Variants in ZFYVE28 observed in about 807,000 individuals in gnomAD.
ZFYVE28 encodes lateral signaling target protein 2 homolog.
Under a neutral mutation model 82.1 loss-of-function variants are expected in ZFYVE28, and 40 were observed. The observed-to-expected ratio is 0.49, with a 90% confidence interval of 0.38 to 0.63. The LOEUF (loss-of-function observed/expected upper bound fraction) is 0.63. Among genes scored for constraint, ZFYVE28 ranks in the 30% least tolerant of loss-of-function variants. ZFYVE28 has a pLI of 0.00. For missense variants in ZFYVE28, 1,321 were observed against 1,242.1 expected, an observed-to-expected ratio of 1.06 and a Z score of -0.96; for synonymous variants, 612 against 546.1, an observed-to-expected ratio of 1.12 and a Z score of -1.68.
chr4:2,336,609 A>G (rs1721737701), intron 5 of ZFYVE28, among the ~76,000 whole-genome samples: 1 of 149,880 alleles, frequency 6.7e-6, no homozygotes, highest in South Asian at 2.1e-4. Context: ...CAGACTTAAA[A>G]CTCAGCAAAA....
chr4:2,368,230 A>AAAAAAAAAAAAC (rs1727123104), intron 1 of ZFYVE28, among the ~76,000 whole-genome samples: 24 of 148,622 alleles, frequency 1.6e-4, no homozygotes, highest in African/African-American at 4.5e-4. Flanking sequence ...AAAAAAAAAA[A>AAAAAAAAAAAAC]CACTGTATCT....
At position 2,409,042 on chromosome 4, in the gene ZFYVE28, G is replaced by A. The variant is rs1470450282; in HGVS notation, c.39+9243C>T. On this transcript the variant is annotated intron_variant, in intron 1 of 12. Coordinates refer to ENST00000290974, the MANE Select transcript of ZFYVE28 (RefSeq NM_020972.3). This position sits in a 1 kb window ranked among gnomAD's most constrained non-coding sequence, Gnocchi z 4.4. Reference sequence around the variant, plus strand: ...CAACATGCCTGGGCATCTCGCAGTGGGGAGGTCTGCCTTTACGCGGTCTGT... The same window carrying A: ...CAACATGCCTGGGCATCTCGCAGTGAGGAGGTCTGCCTTTACGCGGTCTGT... Among the ~76,000 whole-genome samples the A allele has an allele frequency of 1.3e-5, 2 of 152,086 alleles. No homozygotes were observed. The highest frequency in any genetic ancestry group is 2.9e-5 in the Non-Finnish European group (2 of 68,008).
chr4:2,410,190 C>T (rs1385974279), intron 1 of ZFYVE28, among the ~76,000 whole-genome samples: 12 of 152,220 alleles, frequency 7.9e-5, no homozygotes, highest in Non-Finnish European at 1.3e-4. Flanking sequence ...TGCTGCCCAA[C>T]CACCACCTCT....
intron 2 of ZFYVE28, among the ~76,000 whole-genome samples, chr4:2,344,145 G>A (rs1467015194): frequency 6.6e-6 from 1 of 152,310 alleles, no homozygotes; most frequent in East Asian, 1.9e-4. Flanking sequence ...GAGGGAACTC[G>A]GATGGAACCA....
chr4:2,271,761 C>A lies in ZFYVE28; in HGVS notation c.2342G>T (p.Ser781Ile), dbSNP rs757814701. The A allele has an allele frequency of 9.3e-6, 15 of 1,613,614 alleles. No homozygotes were observed. The highest frequency in any genetic ancestry group is 5.9e-6 in the Non-Finnish European group (7 of 1,179,932). ...CAGTGCACAGTCCTCCAAGGCCGCA[C>A]TCCGCAGAGTCTGGGTGACTAGTGG... The part of the protein sequence containing the change: ...KLRKVTQTLR[S>I]AALEDCALCQ... Residue 781 changes from serine (S) to isoleucine (I), a missense_variant, in exon 11 of 13, where the codon AGT becomes ATT. Ser to Ile is a moderately radical substitution (Grantham distance 142). This residue lies in a region of ZFYVE28 where 978 missense variants were observed against 833.7 expected (regional missense o/e 1.17). Transcript: ENST00000290974.
intron 6 of ZFYVE28, chr4:2,331,009 G>A: frequency 6.5e-7 from 1 of 1,533,630 alleles, no homozygotes; most frequent in Non-Finnish European, 8.7e-7. Flanking sequence ...CGTGGGCGGT[G>A]GCTCCTGCAC....
chr4:2,349,798 G>A (rs1234636259), intron 2 of ZFYVE28, among the ~76,000 whole-genome samples: 1 of 151,816 alleles, frequency 6.6e-6, no homozygotes, highest in Non-Finnish European at 1.5e-5. Flanking sequence ...CACAAAAAAA[G>A]CATCTGAAAA....
intron 1 of ZFYVE28, among the ~76,000 whole-genome samples, chr4:2,386,378 G>A (rs7698107): frequency 0.058 from 8,834 of 152,194 alleles, 754 homozygotes; most frequent in African/African-American, 0.19. Context: ...CCAGCTACTC[G>A]GGAGGCTGAG....
intron 1 of ZFYVE28, among the ~76,000 whole-genome samples, chr4:2,371,948 C>G (rs1025221200): frequency 1.3e-5 from 2 of 152,178 alleles, no homozygotes; most frequent in African/African-American, 4.8e-5. Context: ...GGATCCAGGG[C>G]TGGACAGCCA....
chr4:2,292,520 G>A (rs902471784), intron 8 of ZFYVE28, among the ~76,000 whole-genome samples: 1 of 152,192 alleles, frequency 6.6e-6, no homozygotes, highest in Non-Finnish European at 1.5e-5. Flanking sequence ...TCGAGTGCCT[G>A]ATAACAAGTC....
intron 7 of ZFYVE28, among the ~76,000 whole-genome samples, chr4:2,307,669 T>A (rs28768151): frequency 6.1e-4 from 93 of 152,168 alleles, no homozygotes; most frequent in African/African-American, 9.2e-4. Flanking sequence ...ATTAAAAAAA[T>A]TTTTTTTAGA....
chr4:2,411,241 C>T (rs1481470883), intron 1 of ZFYVE28, among the ~76,000 whole-genome samples: 1 of 116,340 alleles, frequency 8.6e-6, no homozygotes, highest in African/African-American at 3.0e-5. Flanking sequence ...CTTGATGTGT[C>T]CCCTACACCC....
In ZFYVE28 at chr4:2,270,682, G is replaced by C. The variant is rs775308026; in HGVS notation, c.*43C>G. On this transcript the variant is annotated 3_prime_UTR_variant, in exon 13 of 13. Transcript: ENST00000290974. ...CTGCAGCGTGGCCCCACCTTCCTGGGGGTTCCTGGCCCGGGTGGGTTGGGG... is the reference window on the plus strand; with the variant it reads ...CTGCAGCGTGGCCCCACCTTCCTGGCGGTTCCTGGCCCGGGTGGGTTGGGG... The C allele has an allele frequency of 1.2e-6, 2 of 1,610,840 alleles. No homozygotes were observed. The highest frequency in any genetic ancestry group is 2.7e-5 in the African/African-American group (2 of 74,906).
intron 1 of ZFYVE28, among the ~76,000 whole-genome samples, chr4:2,357,233 C>T (rs1426988388): frequency 6.6e-6 from 1 of 152,162 alleles, no homozygotes; most frequent in Non-Finnish European, 1.5e-5. Flanking sequence ...ATGGGGTGAC[C>T]GCCAGCTTCC....
At chr4:2,400,274 A>G (rs1041136236) in intron 1 of ZFYVE28, among the ~76,000 whole-genome samples, 1 of 152,232 alleles carries the variant, frequency 6.6e-6, no homozygotes, top group Non-Finnish European at 1.5e-5. Context: ...GTGTGGAAGT[A>G]CTAAGTGCCA....
chr4:2,416,262 A>G lies in ZFYVE28; in HGVS notation c.39+2023T>C, dbSNP rs1256879702. ...CGGAAACAGACAAGGCCATCCTGAA[A>G]TTACTCAGCTACTCATGAAACAGAG... On this transcript the variant is annotated intron_variant, in intron 1 of 12. Coordinates refer to ENST00000290974, the MANE Select transcript of ZFYVE28 (RefSeq NM_020972.3). The surrounding 1 kb of genome is among the most constrained non-coding windows in gnomAD (Gnocchi z 4.6). Among the ~76,000 whole-genome samples, 1 of 152,192 alleles carries G rather than the reference A, an allele frequency of 6.6e-6. No individual in the cohort carries two copies. The highest frequency in any genetic ancestry group is 6.5e-5 in the Admixed American group (1 of 15,284).
intron 1 of ZFYVE28, among the ~76,000 whole-genome samples, chr4:2,361,818 G>T (rs1328783371): frequency 1.3e-5 from 2 of 152,188 alleles, no homozygotes; most frequent in African/African-American, 4.8e-5. Context: ...CATAAATCCT[G>T]CAGGTGGGGA....
chr4:2,322,064 C>T (rs776089860), intron 6 of ZFYVE28, among the ~76,000 whole-genome samples: 1 of 152,358 alleles, frequency 6.6e-6, no homozygotes, highest in African/African-American at 2.4e-5. Flanking sequence ...TGTTAGCTTT[C>T]GCGTGCTGGA....
In ZFYVE28 at chr4:2,273,170, C is replaced by T. The variant is rs967982907; in HGVS notation, c.2323+3G>A. 5 of 1,611,956 alleles carry T rather than the reference C, an allele frequency of 3.1e-6. No individual in the cohort carries two copies. In the African/African-American group the frequency reaches 4.0e-5, roughly 13 times the overall value. Reference sequence around the variant, plus strand: ...TCAGAGCCCGTCCTGAGTGGGCACTCACCCTTCCTTAACTTTTCCTTGTCG... The same window carrying T: ...TCAGAGCCCGTCCTGAGTGGGCACTTACCCTTCCTTAACTTTTCCTTGTCG... On this transcript the variant is annotated splice_donor_region_variant and intron_variant, in intron 10 of 12. Transcript: ENST00000290974.
Sources: allele counts gnomAD v4.1 joint callset (sites outside exome capture counted in the v4.1 genomes callset), GRCh38; gene constraint gnomAD v4.1.1; regional missense constraint gnomAD v4.1.1; non-coding constraint Gnocchi (gnomAD v3.1); transcripts MANE v1.5; gene names NCBI Gene and HGNC (gene_info 2026-07-23, HGNC 2026-07-21).